CEP57L1: variants seen among roughly 807,000 people sequenced by gnomAD.
CEP57L1 encodes centrosomal protein 57 like 1, also known as centrosomal protein CEP57L1.
CEP57L1 carries 37 observed loss-of-function variants against 61.0 expected under a neutral mutation model. The observed-to-expected ratio is 0.61, with a 90% CI of 0.47 to 0.80. CEP57L1 has a LOEUF of 0.80. Ranked by LOEUF, CEP57L1 falls within the 30% of genes least tolerant of loss-of-function variation. The probability of loss-of-function intolerance (pLI) is 0.00; values close to 1 mark genes in which losing one functional copy is unlikely to be tolerated. For missense variants in CEP57L1, 422 were observed against 524.7 expected (o/e 0.80, Z 1.91); for synonymous variants, 137 against 162.3 (o/e 0.84, Z 1.19).
intron 1 of CEP57L1, among the ~76,000 whole-genome samples, chr6:109,131,055 T>G (rs1774138442): frequency 6.6e-6 from 1 of 152,220 alleles, no homozygotes; most frequent in Admixed American, 6.5e-5. Context: ...TGATGATTTT[T>G]CATATCTATC....
In CEP57L1 at chr6:109,165,402, G is replaced by T. The variant is rs1774032637; in HGVS notation, c.*2432G>T. ...ATTAAACACTCAATAAATATTTTTT[G>T]AATCTGAGTGGCAAAAAAAAAAAAA... On this transcript the variant is annotated 3_prime_UTR_variant, in exon 11 of 11. Transcript: ENST00000517392. 6.8e-6 allele frequency among the ~76,000 whole-genome samples: 1 copy of T among 146,518 alleles called. No individual in the cohort carries two copies. The highest frequency in any genetic ancestry group is 2.5e-5 in the African/African-American group (1 of 39,562).
In CEP57L1 at chr6:109,170,373, G is replaced by A. The variant is rs1428909729; in HGVS notation, c.*7403G>A. Reference sequence around the variant, plus strand: ...TGTAGTTAAGTAAATTTTAGGATAGGTTCTAAAAAACCTTGAGAGGCATTT... The same window carrying A: ...TGTAGTTAAGTAAATTTTAGGATAGATTCTAAAAAACCTTGAGAGGCATTT... On this transcript the variant is annotated 3_prime_UTR_variant, in exon 11 of 11. Transcript: ENST00000517392. Among the ~76,000 whole-genome samples the A allele has an allele frequency of 1.3e-5, 2 of 152,058 alleles. No homozygotes were observed. The highest frequency in any genetic ancestry group is 2.9e-5 in the Non-Finnish European group (2 of 67,990).
chr6:109,162,855 C>A lies in CEP57L1; in HGVS notation c.1268C>A (p.Pro423His). 6.2e-7 allele frequency: 1 copy of A among 1,612,988 alleles called. No homozygotes were observed. The highest frequency in any genetic ancestry group is 8.5e-7 in the Non-Finnish European group (1 of 1,179,388). The change falls in exon 11 of 11, where the codon CCC (proline) becomes CAC (histidine). Residue 423 changes from proline (P) to histidine (H), a missense_variant. Coordinates refer to ENST00000517392, the MANE Select transcript of CEP57L1 (RefSeq NM_001271852.3). The part of the protein sequence containing the change: ...PKGSKNIKNS[P>H]RKCLTDTNLF... ...GGATCAAAGAACATAAAAAATAGCC[C>A]CAGAAAATGTTTGACTGACACTAAC...
chr6:109,148,873 T>G (rs536162267), intron 3 of CEP57L1, among the ~76,000 whole-genome samples: 28 of 152,392 alleles, frequency 1.8e-4, no homozygotes, highest in African/African-American at 6.5e-4. Flanking sequence ...TGGCCAGTGA[T>G]GGTGAGCATT....
intron 1 of CEP57L1, among the ~76,000 whole-genome samples, chr6:109,121,691 A>G (rs1411223862): frequency 6.6e-6 from 1 of 152,148 alleles, no homozygotes; most frequent in Non-Finnish European, 1.5e-5. Flanking sequence ...GTGTGGAAGC[A>G]TTTACATAGA....
chr6:109,145,964 G>T (rs1771917252), intron 2 of CEP57L1, among the ~76,000 whole-genome samples: 1 of 151,792 alleles, frequency 6.6e-6, no homozygotes, highest in Non-Finnish European at 1.5e-5. Flanking sequence ...TATAATAATG[G>T]TTGCTGTTAA....
chr6:109,153,240 T>C (rs1772844366), intron 4 of CEP57L1, among the ~76,000 whole-genome samples: 1 of 132,590 alleles, frequency 7.5e-6, no homozygotes, highest in Non-Finnish European at 1.6e-5. Flanking sequence ...ACTTTTTTTT[T>C]TTTTTTTTTT....
intron 1 of CEP57L1, among the ~76,000 whole-genome samples, chr6:109,142,948 T>G (rs1213055610): frequency 0.017 from 104 of 6,036 alleles, no homozygotes; most frequent in African/African-American, 0.056. Context: ...TCTCTCTTGC[T>G]CTCTCTCTCT....
At chr6:109,133,873 A>T (rs1202551105) in intron 1 of CEP57L1, among the ~76,000 whole-genome samples, 1 of 152,230 alleles carries the variant, frequency 6.6e-6, no homozygotes, top group Non-Finnish European at 1.5e-5. Context: ...AAGAAGTTGA[A>T]TCTCTGAATA....
intron 1 of CEP57L1, among the ~76,000 whole-genome samples, chr6:109,132,087 G>A (rs1378011643): frequency 6.6e-6 from 1 of 152,114 alleles, no homozygotes; most frequent in Non-Finnish European, 1.5e-5. Flanking sequence ...TGCTCATGTG[G>A]GTTTGAAGTT....
rs1773936616 is a variant in CEP57L1, at chr6:109,164,047, C to G, written c.*1077C>G. On this transcript the variant is annotated 3_prime_UTR_variant, in exon 11 of 11. Coordinates refer to ENST00000517392, the MANE Select transcript of CEP57L1 (RefSeq NM_001271852.3). ...GAAAAGATATAATAGAATGGAGGAG[C>G]TCAAATATAGGGTAGCAGTTTAAGA... The G allele has an allele frequency of 1.3e-5, 2 of 152,060 alleles. No individual in the cohort carries two copies. The highest frequency in any genetic ancestry group is 2.9e-5 in the Non-Finnish European group (2 of 68,012). The allele number at this position is 152,060 out of a possible 1,614,324, so 9.4% of individuals were successfully genotyped here.
At chr6:109,152,935 C>A (rs1187954769) in intron 4 of CEP57L1, among the ~76,000 whole-genome samples, 2 of 151,746 alleles carry the variant, frequency 1.3e-5, no homozygotes, top group African/African-American at 2.4e-5. Context: ...ACGGTGAAAC[C>A]ACGTCTCTAC....
intron 5 of CEP57L1, among the ~76,000 whole-genome samples, chr6:109,154,246 A>T (rs1583642049): frequency 6.6e-6 from 1 of 152,150 alleles, no homozygotes; most frequent in East Asian, 1.9e-4. Flanking sequence ...ACTTGTAGTC[A>T]AATTAAGCCT....
At chr6:109,104,413 CG>C (rs1411709596) in intron 1 of CEP57L1, among the ~76,000 whole-genome samples, 5 of 152,026 alleles carry the variant, frequency 3.3e-5, no homozygotes, top group African/African-American at 9.7e-5. Context: ...CTCATAAATT[CG>C]GAGAAGTGGA....
intron 1 of CEP57L1, among the ~76,000 whole-genome samples, chr6:109,141,393 T>G (rs1037813861): frequency 1.3e-5 from 2 of 151,610 alleles, no homozygotes; most frequent in African/African-American, 4.9e-5. Context: ...TTTTTTGTAT[T>G]TTTAGTAGTG....
upstream of CEP57L1, chr6:109,095,500 C>T (rs578125108): frequency 6.1e-6 from 6 of 985,736 alleles, no homozygotes; most frequent in Non-Finnish European, 7.2e-6. Flanking sequence ...CCCCCAGGGG[C>T]CACCGCGACG....
chr6:109,099,462 A>T (rs145523505), intron 1 of CEP57L1, among the ~76,000 whole-genome samples: 3 of 152,302 alleles, frequency 2.0e-5, no homozygotes, highest in Non-Finnish European at 4.4e-5. Context: ...AGCAACATGG[A>T]GGTCATTGGG....
At chr6:109,110,242 A>C (rs934872449) in intron 1 of CEP57L1, among the ~76,000 whole-genome samples, 1 of 152,166 alleles carries the variant, frequency 6.6e-6, no homozygotes, top group East Asian at 1.9e-4. Flanking sequence ...TCTAACTGGC[A>C]TGAGATGGTA....
intron 1 of CEP57L1, among the ~76,000 whole-genome samples, chr6:109,103,222 A>G (rs1770532453): frequency 6.6e-6 from 1 of 152,190 alleles, no homozygotes; most frequent in African/African-American, 2.4e-5. Flanking sequence ...AGGAAATTAT[A>G]CTAATTATTT....
Sources: allele counts gnomAD v4.1 joint callset (sites outside exome capture counted in the v4.1 genomes callset), GRCh38; gene constraint gnomAD v4.1.1; transcripts MANE v1.5; gene names NCBI Gene and HGNC (gene_info 2026-07-23, HGNC 2026-07-21).